The following KCNMA1 variants were observed in gnomAD, a reference collection of about 807,000 sequenced individuals.
KCNMA1 encodes potassium calcium-activated channel subfamily M alpha 1.
A neutral mutation model predicts 140.0 loss-of-function variants in KCNMA1; 29 were observed. That is an observed-to-expected ratio of 0.21 (90% confidence interval 0.15 to 0.28). The LOEUF (loss-of-function observed/expected upper bound fraction) is 0.28, where lower values mean the gene tolerates loss of function less well. Ranked by LOEUF, KCNMA1 falls within the 10% of genes least tolerant of loss-of-function variation. The pLI is 1.00. For synonymous variants in KCNMA1, 612 were observed against 611.9 expected (o/e 1.00, Z 0.00); for missense variants, 880 against 1,602.2 (o/e 0.55, Z 7.70).
Position 77,086,520 on chromosome 10 carries a change from C to T in KCNMA1, c.1408G>A (p.Val470Ile), listed in dbSNP as rs149000684. 1.2e-5 allele frequency: 19 copies of T among 1,613,730 alleles called. No individual in the cohort carries two copies. Among genetic ancestry groups the T allele is most frequent in the East Asian group, 2.2e-5 (1 of 44,882 alleles). ...FTQVEFYQGS[V>I]LNPHDLARVK... ...CTTGCAAGATCATGTGGATTGAGGA[C>T]GGAACCCTGATAAAATTCCACCTGA... is the stretch of plus-strand genomic sequence containing the variant. Residue 470 changes from valine to isoleucine, a missense_variant, in exon 11 of 28, where the codon GTC becomes ATC. By Grantham distance (29) the Val-to-Ile change is conservative (BLOSUM62 3). Transcript: ENST00000286628.
intron 1 of KCNMA1, among the ~76,000 whole-genome samples, chr10:77,565,900 G>A (rs1421203257): frequency 6.6e-6 from 1 of 151,926 alleles, no homozygotes; most frequent in East Asian, 1.9e-4. Flanking sequence ...CCTCCCCACA[G>A]CCCTAACGCT....
chr10:77,082,296 G>A lies in KCNMA1; in HGVS notation c.1523+2341C>T, dbSNP rs185655580. On this transcript the variant is annotated intron_variant, in intron 12 of 27. Transcript: ENST00000286628. ...CCCACCTTGGCCTCCCAAAGTTCTG[G>A]GATTACAGGTGTAAGCCACTGAGCC... is the stretch of plus-strand genomic sequence containing the variant. Among the ~76,000 whole-genome samples the A allele has an allele frequency of 1.7e-3, 264 of 151,894 alleles. 1 individual carries two copies. Among genetic ancestry groups the A allele is most frequent in the Middle Eastern group, 0.01 (3 of 292 alleles).
intron 1 of KCNMA1, among the ~76,000 whole-genome samples, chr10:77,611,492 A>G (rs1207990548): frequency 6.6e-6 from 1 of 152,230 alleles, no homozygotes; most frequent in Non-Finnish European, 1.5e-5. Context: ...TATATGAGTC[A>G]ATGGAGTCCC....
chr10:77,181,620 G>A (rs951078870), intron 5 of KCNMA1, among the ~76,000 whole-genome samples: 2 of 152,184 alleles, frequency 1.3e-5, no homozygotes, highest in African/African-American at 4.8e-5. Context: ...AAGCCAGTTA[G>A]CAGTGAAGCT....
chr10:77,455,450 T>C (rs1372969122), intron 1 of KCNMA1, among the ~76,000 whole-genome samples: 1 of 152,086 alleles, frequency 6.6e-6, no homozygotes, highest in East Asian at 1.9e-4. Flanking sequence ...TTCCTCAGAA[T>C]TCCCTACTTT....
chr10:77,387,157 T>C (rs2095631891), intron 2 of KCNMA1, among the ~76,000 whole-genome samples: 1 of 152,184 alleles, frequency 6.6e-6, no homozygotes, highest in South Asian at 2.1e-4. Flanking sequence ...TGTTTGTCTG[T>C]AGAATCACTG....
At chr10:76,956,644 T>C (rs947120811) in intron 20 of KCNMA1, among the ~76,000 whole-genome samples, 1 of 152,018 alleles carries the variant, frequency 6.6e-6, no homozygotes, top group Admixed American at 6.6e-5. Flanking sequence ...ATGATTAAGA[T>C]AAAGTCCCTA....
At chr10:77,150,082 A>T (rs1401404397) in intron 5 of KCNMA1, 3 of 152,298 alleles carry the variant, frequency 2.0e-5, no homozygotes, top group African/African-American at 7.2e-5. Flanking sequence ...AAAATAAATA[A>T]AGTGGGTCTA....
At chr10:77,208,394 C>T (rs1259131585) in intron 3 of KCNMA1, among the ~76,000 whole-genome samples, 1 of 152,146 alleles carries the variant, frequency 6.6e-6, no homozygotes, top group Non-Finnish European at 1.5e-5. Flanking sequence ...GAGGCTGAGG[C>T]GGGACGATCA....
At chr10:76,877,821 G>C (rs556103359) in exon 30 of KCNMA1, 1 of 1,602,316 alleles carries the variant, frequency 6.2e-7, no homozygotes, top group Non-Finnish European at 8.5e-7. Context: ...AGCCATGTGG[G>C]TACTCATGGG....
At chr10:77,263,660 A>T (rs1245412771) in intron 2 of KCNMA1, among the ~76,000 whole-genome samples, 1 of 152,202 alleles carries the variant, frequency 6.6e-6, no homozygotes, top group Non-Finnish European at 1.5e-5. Flanking sequence ...CATCCCAGAA[A>T]GCAATGCCAT....
intron 6 of KCNMA1, among the ~76,000 whole-genome samples, chr10:77,114,129 G>A (rs2097392691): frequency 6.6e-6 from 1 of 152,152 alleles, no homozygotes; most frequent in Non-Finnish European, 1.5e-5. Context: ...GCCACCTTGA[G>A]TGAGGCCCCG....
chr10:77,605,251 C>T (rs1229959806), intron 1 of KCNMA1, among the ~76,000 whole-genome samples: 1 of 152,184 alleles, frequency 6.6e-6, no homozygotes, highest in East Asian at 1.9e-4. Flanking sequence ...GTCCCGGATG[C>T]CCTCCTTGAA....
At chr10:77,419,212 T>C (rs1220224344) in intron 1 of KCNMA1, among the ~76,000 whole-genome samples, 1 of 152,098 alleles carries the variant, frequency 6.6e-6, no homozygotes, top group Non-Finnish European at 1.5e-5. Flanking sequence ...AAGTCTCTTA[T>C]TATAAGGATC....
chr10:76,926,058 C>T lies in KCNMA1; in HGVS notation c.2903-11009G>A, dbSNP rs192570766. On this transcript the variant is annotated intron_variant, in intron 23 of 27. Transcript: ENST00000286628. ...AGTGTTGAAGTGTTTCCTGTACATACGTTTATGCTGGCAGATGAATAGGAA... is the reference window on the plus strand; with the variant it reads ...AGTGTTGAAGTGTTTCCTGTACATATGTTTATGCTGGCAGATGAATAGGAA... Among the ~76,000 whole-genome samples, 72 of 152,194 alleles carry T rather than the reference C, an allele frequency of 4.7e-4. No homozygotes were observed. In the East Asian group the frequency reaches 0.012, roughly 25 times the overall value.
chr10:77,592,012 C>T (rs1431213284), intron 1 of KCNMA1, among the ~76,000 whole-genome samples: 1 of 152,158 alleles, frequency 6.6e-6, no homozygotes, highest in Non-Finnish European at 1.5e-5. Flanking sequence ...ATTCGTTCGC[C>T]CAGCAAATAT....
chr10:77,172,988 CA>C (rs1564977415), intron 5 of KCNMA1, among the ~76,000 whole-genome samples: 1 of 152,140 alleles, frequency 6.6e-6, no homozygotes, highest in Non-Finnish European at 1.5e-5. Context: ...GCTCCACCCT[CA>C]TGATCTAATC....
intron 23 of KCNMA1, among the ~76,000 whole-genome samples, chr10:76,919,916 T>C (rs368267648): frequency 2.7e-5 from 4 of 149,822 alleles, no homozygotes; most frequent in Admixed American, 1.3e-4. Flanking sequence ...AAGTATTTAG[T>C]AGATTCTTAA....
At chr10:77,306,733 C>T (rs1020764709) in intron 2 of KCNMA1, among the ~76,000 whole-genome samples, 1 of 152,134 alleles carries the variant, frequency 6.6e-6, no homozygotes, top group South Asian at 2.1e-4. Flanking sequence ...GACACTATTG[C>T]AGTTGTCTAC....
Sources: allele counts gnomAD v4.1 joint callset (sites outside exome capture counted in the v4.1 genomes callset), GRCh38; gene constraint gnomAD v4.1.1; transcripts MANE v1.5; gene names NCBI Gene and HGNC (gene_info 2026-07-23, HGNC 2026-07-21).